The following DHX15 variants were observed in gnomAD, a reference collection of about 807,000 sequenced individuals.
DHX15 encodes the protein DEAH-box helicase 15, also known as ATP-dependent RNA helicase DHX15.
A neutral mutation model predicts 94.4 loss-of-function variants in DHX15; 11 were observed. The observed-to-expected ratio is 0.12, with a 90% CI of 0.07 to 0.19. The LOEUF is 0.19. Ranked by LOEUF, DHX15 falls within the 10% of genes least tolerant of loss-of-function variation. The pLI is 1.00. For missense variants in DHX15, 304 were observed against 988.5 expected (o/e 0.31, Z 9.29); for synonymous variants, 338 against 329.9 (o/e 1.02, Z -0.27).
intron 11 of DHX15, among the ~76,000 whole-genome samples, chr4:24,535,327 A>G (rs1185678990): frequency 6.6e-6 from 1 of 152,174 alleles, no homozygotes; most frequent in African/African-American, 2.4e-5. Context: ...TGAGTGGATA[A>G]CACCATTTTA....
intron 3 of DHX15, among the ~76,000 whole-genome samples, chr4:24,567,406 G>A (rs1363931884): frequency 6.6e-6 from 1 of 151,172 alleles, no homozygotes; most frequent in Non-Finnish European, 1.5e-5. Flanking sequence ...GTGAAACCCC[G>A]TCTCTACTAA....
intron 2 of DHX15, among the ~76,000 whole-genome samples, chr4:24,575,499 T>A (rs1013025935): frequency 3.9e-5 from 6 of 152,218 alleles, no homozygotes; most frequent in Non-Finnish European, 8.8e-5. Context: ...ATGCAATTTT[T>A]CACCTATTGG....
chr4:24,562,766 A>G (rs986389031), intron 3 of DHX15, among the ~76,000 whole-genome samples: 3 of 152,236 alleles, frequency 2.0e-5, no homozygotes, highest in Non-Finnish European at 4.4e-5. Flanking sequence ...CCAAGCATAG[A>G]AAAGAGTCAT....
intron 7 of DHX15, 25 bp from the exon 8 acceptor site, chr4:24,542,047 A>G (rs1721323074): frequency 6.4e-7 from 1 of 1,562,108 alleles, no homozygotes; most frequent in African/African-American, 1.4e-5. Context: ...ATAACACAAG[A>G]GTCTTTCTTC....
intron 1 of DHX15, among the ~76,000 whole-genome samples, chr4:24,582,265 T>G (rs1045587516): frequency 1.3e-5 from 2 of 152,184 alleles, no homozygotes; most frequent in African/African-American, 4.8e-5. Context: ...TGGGCATTAT[T>G]CCAAAGATGA....
Position 24,537,299 on chromosome 4 carries a change from C to A in DHX15, c.1787-126G>T. ...TAGGGCAGGGCAGGATGGCCTCCAA[C>A]TGCATCTTGGATTGTTTACTACCTT... On this transcript the variant is annotated intron_variant, in intron 10 of 13. Coordinates refer to ENST00000336812, the MANE Select transcript of DHX15 (RefSeq NM_001358.3). This position sits in a 1 kb window ranked among gnomAD's most constrained non-coding sequence, Gnocchi z 4.7. The A allele has an allele frequency of 7.9e-7, 1 of 1,266,180 alleles. No individual in the cohort carries two copies. 78.4% of individuals were successfully genotyped at this position (1,266,180 alleles called of 1,614,324 possible). A position where few individuals can be genotyped will look rare whatever the true frequency, so the allele number is the denominator to read the frequency against.
intron 11 of DHX15, chr4:24,533,377 T>A (rs972775408): frequency 5.5e-6 from 2 of 360,474 alleles, no homozygotes; most frequent in Non-Finnish European, 1.0e-5. Context: ...AAGGGAAGGC[T>A]GGAAGTATTT....
At chr4:24,556,832 C>A (rs754250905) in intron 3 of DHX15, among the ~76,000 whole-genome samples, 6 of 152,150 alleles carry the variant, frequency 3.9e-5, no homozygotes, top group Non-Finnish European at 7.4e-5. Flanking sequence ...TTACCACATG[C>A]AAATAAACAT....
rs868307728 is a variant in DHX15 at position 24,541,073 on chromosome 4, G to T, written c.1486-125C>A. The T allele has an allele frequency of 5.6e-5, 31 of 555,976 alleles. 2 individuals are homozygous for T. In the Middle Eastern group the frequency reaches 8.3e-3, roughly 148 times the overall value. 34.4% of individuals were successfully genotyped at this position (555,976 alleles called of 1,614,324 possible). A position where few individuals can be genotyped will look rare whatever the true frequency, so the allele number is the denominator to read the frequency against. The stretch of plus-strand genomic sequence containing the variant: ...GCATTACTTCTACACTGTCTCAGTA[G>T]AGATAAATACTTGTAGGCTAGACTA... On this transcript the variant is annotated intron_variant, in intron 8 of 13. Transcript: ENST00000336812.
chr4:24,581,972 A>G (rs1403336688), intron 1 of DHX15, among the ~76,000 whole-genome samples: 1 of 152,162 alleles, frequency 6.6e-6, no homozygotes, highest in South Asian at 2.1e-4. Flanking sequence ...CTCCCACTGA[A>G]TTACCTTCCC....
chr4:24,551,694 A>G (rs1002196832), intron 5 of DHX15, among the ~76,000 whole-genome samples: 4 of 152,210 alleles, frequency 2.6e-5, no homozygotes, highest in African/African-American at 9.6e-5. Context: ...ATGCAAATAA[A>G]AAATTAAGAG....
intron 6 of DHX15, among the ~76,000 whole-genome samples, chr4:24,544,881 G>A (rs1047854959): frequency 6.6e-6 from 1 of 152,152 alleles, no homozygotes; most frequent in African/African-American, 2.4e-5. Flanking sequence ...AAAAGGCCAA[G>A]GAGGATTATT....
intron 5 of DHX15, among the ~76,000 whole-genome samples, chr4:24,552,412 C>A (rs1358603256): frequency 2.0e-5 from 3 of 152,200 alleles, no homozygotes; most frequent in African/African-American, 7.2e-5. Context: ...TAATTACTAT[C>A]TAGGCAACAC....
At chr4:24,574,370 C>T (rs1722196608) in intron 2 of DHX15, among the ~76,000 whole-genome samples, 1 of 152,042 alleles carries the variant, frequency 6.6e-6, no homozygotes, top group Non-Finnish European at 1.5e-5. Flanking sequence ...ACTTTTTAAA[C>T]TGTTTGGTTT....
chr4:24,567,182 A>C (rs781236580), intron 3 of DHX15, among the ~76,000 whole-genome samples: 16 of 152,230 alleles, frequency 1.1e-4, no homozygotes, highest in Admixed American at 5.2e-4. Flanking sequence ...TAACAACTTC[A>C]ATTATTACGT....
At chr4:24,562,616 C>T (rs1396006438) in intron 3 of DHX15, among the ~76,000 whole-genome samples, 2 of 152,172 alleles carry the variant, frequency 1.3e-5, no homozygotes, top group African/African-American at 2.4e-5. Context: ...CGGTTCTATA[C>T]CACACTCTTA....
chr4:24,554,257 A>C (rs73804157), intron 5 of DHX15, among the ~76,000 whole-genome samples: 1 of 152,338 alleles, frequency 6.6e-6, no homozygotes, highest in African/African-American at 2.4e-5. Context: ...ATAAAATTTT[A>C]AATGAAGTAA....
intron 3 of DHX15, among the ~76,000 whole-genome samples, chr4:24,558,619 T>G (rs1490308355): frequency 1.2e-4 from 19 of 152,194 alleles, no homozygotes; most frequent in Non-Finnish European, 1.8e-4. Context: ...CAATTCCCAA[T>G]GGTTCCTCAA....
chr4:24,584,209 G>C (rs547627327), intron 1 of DHX15, 114 bp downstream of exon 1: 81 of 1,140,414 alleles, frequency 7.1e-5, no homozygotes, highest in Non-Finnish European at 9.8e-5. Context: ...CCAGCCCAGA[G>C]AGAAACAAAG....
Sources: gnomAD v4.1 joint callset for allele counts (sites outside exome capture counted in the v4.1 genomes callset) on GRCh38, gnomAD v4.1.1 for gene constraint, Gnocchi (gnomAD v3.1) non-coding constraint, MANE v1.5 for transcripts, NCBI Gene and HGNC (gene_info 2026-07-23, HGNC 2026-07-21) for gene names.